Variants in ARID1B observed in about 807,000 individuals in gnomAD.
ARID1B encodes the protein AT-rich interactive domain-containing protein 1B.
In ARID1B, 30 loss-of-function variants were observed where a neutral mutation model predicts 212.3. The observed-to-expected ratio is 0.14, with a 90% CI of 0.11 to 0.19. The LOEUF (loss-of-function observed/expected upper bound fraction) is 0.19, where lower values mean the gene tolerates loss of function less well. ARID1B is among the 10% of genes least tolerant of loss of function. The probability of loss-of-function intolerance (pLI) is 1.00; values close to 1 mark genes in which losing one functional copy is unlikely to be tolerated. For synonymous variants in ARID1B, 1,402 were observed against 1,301.7 expected, an observed-to-expected ratio of 1.08 and a Z score of -1.66; for missense variants, 2,891 against 3,204.0, an observed-to-expected ratio of 0.90 and a Z score of 2.36.
intron 4 of ARID1B, among the ~76,000 whole-genome samples, chr6:156,968,511 C>T (rs1230290791): frequency 2.0e-5 from 3 of 152,184 alleles, no homozygotes; most frequent in Non-Finnish European, 4.4e-5. Context: ...TCATTCTCAT[C>T]GTCTTTTTCA....
Position 157,203,839 on chromosome 6 carries a change from G to A in ARID1B, c.5264-27G>A. 1 of 1,613,372 alleles carries A rather than the reference G, an allele frequency of 6.2e-7. No individual in the cohort carries two copies. The highest frequency in any genetic ancestry group is 8.5e-7 in the Non-Finnish European group (1 of 1,179,378). On this transcript the variant is annotated intron_variant, in intron 18 of 19. Coordinates refer to ENST00000636930, the MANE Select transcript of ARID1B (RefSeq NM_001374828.1). This position sits in a 1 kb window ranked among gnomAD's most constrained non-coding sequence, Gnocchi z 4.4. ...TTTCATGCATAGAGTCAACATTCAT[G>A]ATATCCTTGTTCTTCCCCATCTTCA...
chr6:157,175,192 G>T (rs185202599), intron 11 of ARID1B, 187 bp downstream of exon 11: 8 of 457,994 alleles, frequency 1.7e-5, no homozygotes, highest in African/African-American at 2.0e-5. Context: ...TAAAGTTTGC[G>T]TGCATCAAAG....
At chr6:157,116,968 T>C (rs1219571529) in intron 6 of ARID1B, among the ~76,000 whole-genome samples, 1 of 152,186 alleles carries the variant, frequency 6.6e-6, no homozygotes, top group Non-Finnish European at 1.5e-5. Flanking sequence ...GATAACAAAA[T>C]TTTGTGTTGT....
intron 1 of ARID1B, among the ~76,000 whole-genome samples, chr6:156,812,975 T>TGTGTATATACATAC (rs1554254429): frequency 1.2e-3 from 125 of 103,502 alleles, no homozygotes; most frequent in Non-Finnish European, 2.0e-3. Flanking sequence ...TGTGTGTGTG[T>TGTGTATATACATAC]GTATGTATAT....
chr6:156,904,780 C>T (rs558686442), intron 3 of ARID1B, among the ~76,000 whole-genome samples: 9 of 152,224 alleles, frequency 5.9e-5, no homozygotes, highest in Non-Finnish European at 1.2e-4. Context: ...TGATGGATCA[C>T]AGTCAGAACA....
At position 156,979,788 on chromosome 6, in the gene ARID1B, C is replaced by A. The variant is rs1162210130; in HGVS notation, c.2247+44212C>A. On this transcript the variant is annotated intron_variant, in intron 4 of 19. Coordinates refer to ENST00000636930, the MANE Select transcript of ARID1B (RefSeq NM_001374828.1). The stretch of plus-strand genomic sequence containing the variant: ...GGCCAGGATGATCTCTATCTCTTGA[C>A]CTCTTGATCCGCCCACCTCGGCCTC... 3.3e-5 allele frequency among the ~76,000 whole-genome samples: 5 copies of A among 152,328 alleles called. No homozygotes were observed. In the East Asian group the frequency reaches 9.7e-4, roughly 29 times the overall value.
chr6:157,157,971 G>A (rs995849120), intron 8 of ARID1B, among the ~76,000 whole-genome samples: 2 of 152,222 alleles, frequency 1.3e-5, no homozygotes, highest in African/African-American at 2.4e-5. Flanking sequence ...TGTGGTGAGC[G>A]AGGATCGTGC....
At chr6:156,845,820 C>T (rs2128097101) in intron 2 of ARID1B, among the ~76,000 whole-genome samples, 2 of 152,142 alleles carry the variant, frequency 1.3e-5, no homozygotes, top group Middle Eastern at 3.4e-3. Flanking sequence ...TTCTTACTAT[C>T]TATGAACCTT....
chr6:156,872,713 G>C (rs1046903956), intron 2 of ARID1B, among the ~76,000 whole-genome samples: 18 of 152,128 alleles, frequency 1.2e-4, no homozygotes, highest in Non-Finnish European at 2.4e-4. Context: ...GCCTTCCAGG[G>C]ACCAGAAAAA....
Position 157,034,701 on chromosome 6 carries a change from G to A in ARID1B, c.2248-49961G>A, listed in dbSNP as rs547103559. ...AGGTAAAAATGCTCTTAGACTCAGC[G>A]TGAAAACCTTGTGTGACATTGATAT... is the stretch of plus-strand genomic sequence containing the variant. On this transcript the variant is annotated intron_variant, in intron 4 of 19. Coordinates refer to ENST00000636930, the MANE Select transcript of ARID1B (RefSeq NM_001374828.1). 7.9e-5 allele frequency among the ~76,000 whole-genome samples: 12 copies of A among 152,268 alleles called. No individual in the cohort carries two copies. The South Asian group carries it at 1.0e-3, about 13-fold the overall frequency.
rs565442913 is a variant in ARID1B, at chr6:157,106,159, A to G, written c.2492-4313A>G. On this transcript the variant is annotated intron_variant, in intron 5 of 19. Coordinates refer to ENST00000636930, the MANE Select transcript of ARID1B (RefSeq NM_001374828.1). ...TACACAGGAGAGTGTTGAGTAAACTATGGAGCACTCACATAAAGGGGTGCT... is the reference window on the plus strand; with the variant it reads ...TACACAGGAGAGTGTTGAGTAAACTGTGGAGCACTCACATAAAGGGGTGCT... Among the ~76,000 whole-genome samples the G allele has an allele frequency of 3.2e-3, 483 of 152,262 alleles. 4 individuals are homozygous for G. The highest frequency in any genetic ancestry group is 9.7e-3 in the African/African-American group (405 of 41,564).
intron 5 of ARID1B, among the ~76,000 whole-genome samples, chr6:157,096,316 TCA>T (rs1785629447): frequency 6.6e-6 from 1 of 152,218 alleles, no homozygotes; most frequent in Admixed American, 6.5e-5. Context: ...ATTAAAGAAC[TCA>T]CAGTTCTCTT....
At chr6:156,943,702 T>C (rs890101478) in intron 4 of ARID1B, 9 of 151,810 alleles carry the variant, frequency 5.9e-5, no homozygotes, top group Admixed American at 3.3e-4. Flanking sequence ...AAATTACGTA[T>C]ATCATTTTTA....
At chr6:157,156,240 A>G (rs904171666) in intron 8 of ARID1B, among the ~76,000 whole-genome samples, 1 of 152,222 alleles carries the variant, frequency 6.6e-6, no homozygotes, top group Non-Finnish European at 1.5e-5. Flanking sequence ...CATAATAGCT[A>G]TGATTTGAAA....
chr6:156,797,965 G>A (rs1280869194), intron 1 of ARID1B, among the ~76,000 whole-genome samples: 2 of 152,248 alleles, frequency 1.3e-5, no homozygotes, highest in Non-Finnish European at 2.9e-5. Flanking sequence ...CACAACTGAG[G>A]TGAGCACTGA....
chr6:157,084,150 A>G (rs1784815580), intron 4 of ARID1B, among the ~76,000 whole-genome samples: 1 of 149,074 alleles, frequency 6.7e-6, no homozygotes, highest in South Asian at 2.2e-4. Context: ...CCCCAAAAAA[A>G]AAAAAACTTT....
intron 1 of ARID1B, among the ~76,000 whole-genome samples, chr6:156,824,021 A>G (rs1201967967): frequency 1.3e-5 from 2 of 152,214 alleles, no homozygotes; most frequent in East Asian, 3.8e-4. Context: ...TCTGACATGT[A>G]ATATAGCTGA....
chr6:157,037,565 T>C (rs1781410473), intron 4 of ARID1B, among the ~76,000 whole-genome samples: 1 of 151,994 alleles, frequency 6.6e-6, no homozygotes, highest in African/African-American at 2.4e-5. Context: ...CCATGAAAAA[T>C]ATCTGAGGAA....
intron 4 of ARID1B, among the ~76,000 whole-genome samples, chr6:157,002,469 A>G (rs1206750667): frequency 1.3e-5 from 2 of 152,268 alleles, no homozygotes; most frequent in Admixed American, 6.5e-5. Flanking sequence ...CTTGTAATAC[A>G]CAAACCTGCT....
Sources: allele counts gnomAD v4.1 joint callset (sites outside exome capture counted in the v4.1 genomes callset), GRCh38; gene constraint gnomAD v4.1.1; non-coding constraint Gnocchi (gnomAD v3.1); transcripts MANE v1.5; gene names NCBI Gene and HGNC (gene_info 2026-07-23, HGNC 2026-07-21).